The following TBC1D9B variants were observed in gnomAD, a reference collection of about 807,000 sequenced individuals.
The protein encoded by TBC1D9B is TBC1 domain family, member 9B (with GRAM domain).
In TBC1D9B, 87 loss-of-function variants were observed where a neutral mutation model predicts 121.1. The ratio of observed to expected loss-of-function variants is 0.72; its 90% CI spans 0.60 to 0.86. The LOEUF is 0.86. Ranked by LOEUF, TBC1D9B falls within the 40% of genes least tolerant of loss-of-function variation. TBC1D9B has a pLI of 0.00. For missense variants in TBC1D9B, 1,540 were observed against 1,628.6 expected (o/e 0.95, Z 0.94); for synonymous variants, 668 against 670.1 (o/e 1.00, Z 0.05).
chr5:179,899,443 C>A, intron 2 of TBC1D9B, 136 bp from the exon 3 acceptor site: 1 of 724,346 alleles, frequency 1.4e-6, no homozygotes. Context: ...CTGCTTTTCC[C>A]TCTTAAGCTG....
At chr5:179,864,208 A>G in intron 20 of TBC1D9B, 80 bp from the exon 21 acceptor site, 1 of 1,381,542 alleles carries the variant, frequency 7.2e-7, no homozygotes, top group Non-Finnish European at 9.7e-7. Flanking sequence ...AACTGATGAC[A>G]AGCACCAGCC....
chr5:179,888,247 T>C lies in TBC1D9B; in HGVS notation c.1110A>G (p.Lys370=), dbSNP rs778253365. The change falls in exon 7 of 21, where the codon AAA becomes AAG. Residue 370 remains lysine (K), a synonymous_variant. Coordinates refer to ENST00000355235, the MANE Select transcript of TBC1D9B (RefSeq NM_015043.4). ...TGGCAAACAGGAATGTCATTTTGCT[T>C]TTGGTGCTGATGGACAGGGGGCTGG... ...VLPSPLSIST[K]SKMTFLFANL... 1.1e-4 allele frequency: 185 copies of C among 1,611,538 alleles called. No individual in the cohort carries two copies. The highest frequency in any genetic ancestry group is 1.5e-4 in the Non-Finnish European group (180 of 1,179,266).
In TBC1D9B at chr5:179,865,777, A is replaced by G; in HGVS notation, c.2914+61T>C. On this transcript the variant is annotated intron_variant, in intron 19 of 20. Transcript: ENST00000355235. This position sits in a 1 kb window ranked among gnomAD's most constrained non-coding sequence, Gnocchi z 5.1. ...CCTGGCAGTGACTGGGGAAAAGACC[A>G]GCAAGCAAGGGTGCCTCAACGCTGG... 6.6e-7 allele frequency: 1 copy of G among 1,523,460 alleles called. No individual in the cohort carries two copies. Among genetic ancestry groups the G allele is most frequent in the South Asian group, 1.3e-5 (1 of 77,076 alleles). 94.4% of individuals were successfully genotyped at this position (1,523,460 alleles called of 1,614,324 possible). A position where few individuals can be genotyped will look rare whatever the true frequency, so the allele number is the denominator to read the frequency against.
chr5:179,865,632 GGCA>G lies in TBC1D9B; in HGVS notation c.2914+203_2914+205del. On this transcript the variant is annotated intron_variant, in intron 19 of 20. Transcript: ENST00000355235. This position sits in a 1 kb window ranked among gnomAD's most constrained non-coding sequence, Gnocchi z 5.1. The stretch of plus-strand genomic sequence containing the variant: ...GTCACAGGGCAGCTGGAGAGAAGCT[GGCA>G]AGAGAGGGCTGGCTGGGTGCCCGTG... 1.6e-6 allele frequency: 1 copy of G among 635,582 alleles called. No homozygotes were observed. The highest frequency in any genetic ancestry group is 2.7e-6 in the Non-Finnish European group (1 of 366,714). 39.4% of individuals were successfully genotyped at this position (635,582 alleles called of 1,614,324 possible).
At position 179,878,312 on chromosome 5, in the gene TBC1D9B, G is replaced by A; in HGVS notation, c.1779C>T (p.Cys593=). Residue 593 remains cysteine, a synonymous_variant, in exon 10 of 21, where the codon TGC becomes TGT. Coordinates refer to ENST00000355235, the MANE Select transcript of TBC1D9B (RefSeq NM_015043.4). ...GGGCCCCTGTCAGGCCCCTTACCTG[G>A]CAGTAGCCGATGGTGGGGTTTCGGA... is the stretch of plus-strand genomic sequence containing the variant. ...YAFRNPTIGY[C]QAMNIVTSVL... The A allele has an allele frequency of 6.2e-7, 1 of 1,611,362 alleles. No homozygotes were observed. Among genetic ancestry groups the A allele is most frequent in the Non-Finnish European group, 8.5e-7 (1 of 1,179,318 alleles).
intron 5 of TBC1D9B, 113 bp downstream of exon 5, chr5:179,893,096 G>T: frequency 1.4e-6 from 2 of 1,425,580 alleles, no homozygotes; most frequent in Admixed American, 2.4e-5. Flanking sequence ...GAGCCCATGA[G>T]GGGTGAATGT....
chr5:179,874,158 G>A lies in TBC1D9B; in HGVS notation c.2186+744C>T, dbSNP rs1760287770. 6.6e-6 allele frequency among the ~76,000 whole-genome samples: 1 copy of A among 152,176 alleles called. No individual in the cohort carries two copies. The highest frequency in any genetic ancestry group is 2.1e-4 in the South Asian group (1 of 4,828). On this transcript the variant is annotated intron_variant, in intron 12 of 20. Coordinates refer to ENST00000355235, the MANE Select transcript of TBC1D9B (RefSeq NM_015043.4). This position sits in a 1 kb window ranked among gnomAD's most constrained non-coding sequence, Gnocchi z 4.3. ...CACAGAGCTCAGGGCAGGGCAGAGT[G>A]TAGCCAGGAGGGGCCGGGGCTTGAA...
At position 179,893,363 on chromosome 5, in the gene TBC1D9B, A is replaced by G; in HGVS notation, c.682T>C (p.Phe228Leu). ...TCGCCGATGTTGAGGAACATGGAGA[A>G]GAAGAGCTCCTGGTCGCGGGTGTCC... ...RVDTRDQELFFSMFLNIGETF... is the reference protein window; with the variant it reads ...RVDTRDQELFLSMFLNIGETF... Residue 228 changes from phenylalanine to leucine, a missense_variant, in exon 5 of 21, where the codon TTC (phenylalanine) becomes CTC (leucine). Phe to Leu is a conservative substitution (Grantham distance 22). Coordinates refer to ENST00000355235, the MANE Select transcript of TBC1D9B (RefSeq NM_015043.4). 1 of 1,614,180 alleles carries G rather than the reference A, an allele frequency of 6.2e-7. No homozygotes were observed. Among genetic ancestry groups the G allele is most frequent in the Non-Finnish European group, 8.5e-7 (1 of 1,180,038 alleles).
intron 14 of TBC1D9B, 137 bp from the exon 15 acceptor site, chr5:179,871,667 G>T: frequency 2.4e-6 from 2 of 837,200 alleles, no homozygotes; most frequent in South Asian, 1.6e-5. Flanking sequence ...ACTCAAGGGC[G>T]GACCCTTCGG....
intron 10 of TBC1D9B, 85 bp from the exon 11 acceptor site, chr5:179,876,122 C>T (rs1185526854): frequency 2.9e-5 from 31 of 1,078,814 alleles, no homozygotes; most frequent in Middle Eastern, 2.2e-4. Context: ...CCAGCCACCC[C>T]TCCCTGCAAG....
chr5:179,863,893 G>C lies in TBC1D9B; in HGVS notation c.3257C>G (p.Ala1086Gly), dbSNP rs748054344. Residue 1086 changes from alanine to glycine, a missense_variant, in exon 21 of 21, where the codon GCT (alanine) becomes GGT (glycine). By Grantham distance (60) the Ala-to-Gly change is moderately conservative. Transcript: ENST00000355235. This position sits in a 1 kb window ranked among gnomAD's most constrained non-coding sequence, Gnocchi z 4.5. The part of the protein sequence containing the change: ...QDAARELQPP[A>G]AGDPQAKAGG... ...TGCTTTGGCTTGGGGGTCTCCTGCA[G>C]CTGGGGGCTGAAGCTCCCTGGCTGC... The C allele has an allele frequency of 6.2e-7, 1 of 1,613,144 alleles. No homozygotes were observed. The highest frequency in any genetic ancestry group is 1.7e-5 in the Admixed American group (1 of 59,996).
intron 18 of TBC1D9B, chr5:179,867,386 G>T: frequency 6.7e-7 from 1 of 1,496,128 alleles, no homozygotes; most frequent in Non-Finnish European, 9.0e-7. Flanking sequence ...CAGGCTTCCT[G>T]ATAGTGCAGG....
At chr5:179,886,938 T>C (rs1036050223) in intron 7 of TBC1D9B, among the ~76,000 whole-genome samples, 7 of 152,242 alleles carry the variant, frequency 4.6e-5, no homozygotes, top group Admixed American at 1.3e-4. Context: ...ACAGACAGAA[T>C]AAGCATAGTG....
At chr5:179,867,160 T>G in intron 18 of TBC1D9B, 1 of 360,076 alleles carries the variant, frequency 2.8e-6, no homozygotes, top group Non-Finnish European at 5.2e-6. Flanking sequence ...GCATTTTGTA[T>G]TTGTTTCCTA....
chr5:179,887,369 G>A (rs1014178275), intron 7 of TBC1D9B, among the ~76,000 whole-genome samples: 8 of 152,250 alleles, frequency 5.3e-5, no homozygotes, highest in African/African-American at 1.9e-4. Context: ...ATGTGATCAC[G>A]GCTCTCGGTC....
chr5:179,893,567 T>A, intron 4 of TBC1D9B, 100 bp from the exon 5 acceptor site: 1 of 1,461,012 alleles, frequency 6.8e-7, no homozygotes, highest in African/African-American at 1.4e-5. Flanking sequence ...AACTGCTCTC[T>A]GGGGGCAGCA....
chr5:179,907,793 AC>A lies in TBC1D9B; in HGVS notation c.28del (p.Val10TrpfsTer7). The part of the protein sequence containing the change: MWLSPEEVL[V>X]ANALWVTERA... ...CTCCGTCACCCACAGCGCATTGGCC[AC>A]CAGCACCTCCTCCGGGCTCAGCCAC... On this transcript the variant is annotated frameshift_variant, in exon 1 of 21. Coordinates refer to ENST00000355235, the MANE Select transcript of TBC1D9B (RefSeq NM_015043.4). LOFTEE classifies it high-confidence loss of function. This position sits in a 1 kb window ranked among gnomAD's most constrained non-coding sequence, Gnocchi z 5.3. The A allele has an allele frequency of 8.2e-7, 1 of 1,220,562 alleles. No homozygotes were observed. Among genetic ancestry groups the A allele is most frequent in the South Asian group, 1.5e-5 (1 of 67,326 alleles). 75.6% of individuals were successfully genotyped at this position (1,220,562 alleles called of 1,614,324 possible).
At chr5:179,871,403 T>C in intron 15 of TBC1D9B, 59 bp downstream of exon 15, 1 of 1,550,438 alleles carries the variant, frequency 6.4e-7, no homozygotes, top group South Asian at 1.1e-5. Flanking sequence ...GATCCATTTC[T>C]TTTCTGGCAG....
Position 179,862,685 on chromosome 5 carries a change from T to G in TBC1D9B, c.*763A>C. ...GCCCCATACTTGGCCTGGGGAGAAG[T>G]TGGGAGGCCTAAGCAGTGGTTGGGG... On this transcript the variant is annotated 3_prime_UTR_variant, in exon 21 of 21. Transcript: ENST00000355235. 1 of 437,494 alleles carries G rather than the reference T, an allele frequency of 2.3e-6. No homozygotes were observed. Among genetic ancestry groups the G allele is most frequent in the Non-Finnish European group, 4.7e-6 (1 of 210,908 alleles). The allele number at this position is 437,494 out of a possible 1,614,324, so 27.1% of individuals were successfully genotyped here.
Sources: gnomAD v4.1 joint callset for allele counts (sites outside exome capture counted in the v4.1 genomes callset) on GRCh38, gnomAD v4.1.1 for gene constraint, Gnocchi (gnomAD v3.1) non-coding constraint, MANE v1.5 for transcripts, NCBI Gene and HGNC (gene_info 2026-07-23, HGNC 2026-07-21) for gene names.